Variants in GARNL3 observed in about 807,000 individuals in gnomAD.
The protein encoded by GARNL3 is GTPase-activating Rap/Ran-GAP domain-like protein 3.
GARNL3 carries 63 observed loss-of-function variants against 125.0 expected under a neutral mutation model. The ratio of observed to expected loss-of-function variants is 0.50; its 90% CI spans 0.41 to 0.62. The LOEUF is 0.62. Ranked by LOEUF, GARNL3 falls within the 20% of genes least tolerant of loss-of-function variation. GARNL3 has a pLI of 0.00. For missense variants in GARNL3, 994 were observed against 1,244.0 expected (o/e 0.80, Z 3.02); for synonymous variants, 439 against 457.5 (o/e 0.96, Z 0.52).
chr9:127,353,252 C>T (rs371610947), intron 17 of GARNL3, among the ~76,000 whole-genome samples: 2 of 151,930 alleles, frequency 1.3e-5, no homozygotes, highest in East Asian at 3.9e-4. Flanking sequence ...ATGTTTTTGT[C>T]TAAAAAGGAG....
In GARNL3 at chr9:127,325,071, C is replaced by T; in HGVS notation, c.570C>T (p.Asp190=). 1.2e-6 allele frequency: 2 copies of T among 1,613,362 alleles called. No homozygotes were observed. The highest frequency in any genetic ancestry group is 1.7e-6 in the Non-Finnish European group (2 of 1,179,386). The change falls in exon 7 of 28, where the codon GAC becomes GAT. Residue 190 remains aspartate, a splice_region_variant and synonymous_variant. Transcript: ENST00000373387. ...REIFHPEIQK[D]LLVLEEQEGS... ...ACTTTTAAAACTTTATTTGACAGGA[C>T]TTGCTGGTTCTTGAAGAACAAGAGG...
In GARNL3 at chr9:127,355,397, G is replaced by C; in HGVS notation, c.1860G>C (p.Lys620Asn). ...KLLLITRKHN[K>N]PSGVTSTSLL... ...TTCTGATCACAAGAAAACACAACAAGCCAAGCGGGGTCACCAGCACCTCAT... is the reference window on the plus strand; with the variant it reads ...TTCTGATCACAAGAAAACACAACAACCCAAGCGGGGTCACCAGCACCTCAT... The change falls in exon 20 of 28, where the codon AAG (lysine) becomes AAC (asparagine). Residue 620 changes from lysine (K) to asparagine (N), a missense_variant. This residue lies in a region of GARNL3 where 728 missense variants were observed against 865.7 expected (regional missense o/e 0.84). Transcript: ENST00000373387. 1.2e-6 allele frequency: 2 copies of C among 1,614,246 alleles called. No individual in the cohort carries two copies. The highest frequency in any genetic ancestry group is 1.7e-6 in the Non-Finnish European group (2 of 1,180,034).
chr9:127,365,255 G>A (rs764533683), intron 21 of GARNL3, 45 bp from the exon 22 acceptor site: 25 of 1,513,852 alleles, frequency 1.7e-5, no homozygotes, highest in Admixed American at 3.3e-5. Context: ...TTTTCACAGG[G>A]TCAGCATCCA....
At chr9:127,277,292 T>C (rs2131316464) in intron 1 of GARNL3, among the ~76,000 whole-genome samples, 1 of 152,118 alleles carries the variant, frequency 6.6e-6, no homozygotes, top group South Asian at 2.1e-4. Flanking sequence ...TATGTAGTCC[T>C]TCTTTTGTGT....
intron 1 of GARNL3, among the ~76,000 whole-genome samples, chr9:127,290,737 C>T (rs905194274): frequency 2.0e-5 from 3 of 152,174 alleles, no homozygotes; most frequent in Admixed American, 6.5e-5. Flanking sequence ...GAAGCACAGG[C>T]GCTTTCTCCG....
At chr9:127,315,458 G>A (rs917660678) in intron 4 of GARNL3, among the ~76,000 whole-genome samples, 10 of 152,006 alleles carry the variant, frequency 6.6e-5, no homozygotes, top group African/African-American at 1.7e-4. Context: ...GCAACATAGC[G>A]AAACCTTGTC....
chr9:127,326,683 C>G (rs977830989), intron 7 of GARNL3, among the ~76,000 whole-genome samples: 4 of 152,130 alleles, frequency 2.6e-5, no homozygotes, highest in African/African-American at 9.7e-5. Flanking sequence ...TGTGTCCCCC[C>G]AAAATTCATA....
chr9:127,332,373 T>C, intron 8 of GARNL3, 24 bp downstream of exon 8: 1 of 1,594,572 alleles, frequency 6.3e-7, no homozygotes, highest in African/African-American at 1.3e-5. Context: ...TCCCGCTCTC[T>C]GCTGCCAGAG....
chr9:127,269,733 T>C lies in GARNL3; in HGVS notation c.144+4712T>C, dbSNP rs118177471. Among the ~76,000 whole-genome samples the C allele has an allele frequency of 6.5e-3, 984 of 152,204 alleles. 3 individuals carry two copies. The highest frequency in any genetic ancestry group is 0.023 in the South Asian group (113 of 4,824). Reference sequence around the variant, plus strand: ...GTATCTTCTTTGGAGTAATGACTATTCGAATTCTTTGTTCATTCTTGAATT... The same window carrying C: ...GTATCTTCTTTGGAGTAATGACTATCCGAATTCTTTGTTCATTCTTGAATT... On this transcript the variant is annotated intron_variant, in intron 1 of 27. Coordinates refer to ENST00000373387, the MANE Select transcript of GARNL3 (RefSeq NM_032293.5).
At position 127,355,385 on chromosome 9, in the gene GARNL3, A is replaced by G. The variant is rs1414985172; in HGVS notation, c.1848A>G (p.Arg616=). ...AIRNKLLLIT[R]KHNKPSGVTS... ...GGAATAAACTGCTTCTGATCACAAG[A>G]AAACACAACAAGCCAAGCGGGGTCA... The change falls in exon 20 of 28, where the codon AGA becomes AGG. Residue 616 remains arginine, a synonymous_variant. Coordinates refer to ENST00000373387, the MANE Select transcript of GARNL3 (RefSeq NM_032293.5). The G allele has an allele frequency of 6.2e-7, 1 of 1,614,122 alleles. No homozygotes were observed. Among genetic ancestry groups the G allele is most frequent in the Non-Finnish European group, 8.5e-7 (1 of 1,180,048 alleles).
At chr9:127,227,921 A>G (rs374696225) in intron 1 of GARNL3, among the ~76,000 whole-genome samples, 30 of 152,356 alleles carry the variant, frequency 2.0e-4, no homozygotes, top group African/African-American at 7.2e-4. Flanking sequence ...CCCTATCTCA[A>G]TAAAATAAAA....
chr9:127,230,450 G>A (rs961424372), intron 1 of GARNL3, among the ~76,000 whole-genome samples: 1 of 151,918 alleles, frequency 6.6e-6, no homozygotes, highest in Non-Finnish European at 1.5e-5. Flanking sequence ...ACCTGAGGTC[G>A]GGAGTTCGAA....
chr9:127,347,706 T>A (rs565561053), intron 16 of GARNL3, among the ~76,000 whole-genome samples: 1 of 152,298 alleles, frequency 6.6e-6, no homozygotes, highest in Admixed American at 6.5e-5. Flanking sequence ...GTCCTTTTGG[T>A]GTAAGTCACA....
intron 1 of GARNL3, among the ~76,000 whole-genome samples, chr9:127,275,645 A>G (rs1350670713): frequency 2.0e-5 from 3 of 152,084 alleles, no homozygotes; most frequent in Admixed American, 6.5e-5. Context: ...ATCACTAATC[A>G]AATTTAGGGA....
chr9:127,263,833 C>G (rs2063643865), upstream of GARNL3: 7 of 1,314,326 alleles, frequency 5.3e-6, no homozygotes, highest in South Asian at 2.4e-5. Context: ...CCATTAGACT[C>G]TCTAATCTCA....
At chr9:127,253,737 A>G (rs1564851280) in intron 2 of GARNL3, among the ~76,000 whole-genome samples, 1 of 152,114 alleles carries the variant, frequency 6.6e-6, no homozygotes. Context: ...GGAAGTTAAG[A>G]AAAGATGAAG....
At chr9:127,246,451 A>C (rs1294054242) in intron 2 of GARNL3, among the ~76,000 whole-genome samples, 1 of 152,174 alleles carries the variant, frequency 6.6e-6, no homozygotes, top group African/African-American at 2.4e-5. Flanking sequence ...GTCATTAATA[A>C]GAGGGCACTG....
chr9:127,229,485 C>T (rs921986007), intron 1 of GARNL3, among the ~76,000 whole-genome samples: 4 of 152,078 alleles, frequency 2.6e-5, no homozygotes, highest in African/African-American at 9.7e-5. Flanking sequence ...CCTGTTATAT[C>T]CATTTTATGT....
Position 127,242,948 on chromosome 9 carries a change from A to G in GARNL3, c.-28-131A>G. On this transcript the variant is annotated intron_variant, in intron 1 of 10. Coordinates refer to the GARNL3 transcript ENST00000439286. This position sits in a 1 kb window ranked among gnomAD's most constrained non-coding sequence, Gnocchi z 4.6. ...GTCTTGGTGGGGCCCCTGGGTCTTG[A>G]GGGTGCTTCAGTGTCACCCTCCTCC... 5.8e-6 allele frequency: 4 copies of G among 686,324 alleles called. No individual in the cohort carries two copies. The South Asian group carries it at 7.3e-5, about 13-fold the overall frequency. The allele number at this position is 686,324 out of a possible 1,614,324, so 42.5% of individuals were successfully genotyped here.
Sources: gnomAD v4.1 joint callset for allele counts (sites outside exome capture counted in the v4.1 genomes callset) on GRCh38, gnomAD v4.1.1 for gene constraint, gnomAD v4.1.1 regional missense constraint, Gnocchi (gnomAD v3.1) non-coding constraint, MANE v1.5 for transcripts, NCBI Gene and HGNC (gene_info 2026-07-23, HGNC 2026-07-21) for gene names.